The following MIR2052HG variants were observed in gnomAD, a reference collection of about 807,000 sequenced individuals.
MIR2052HG encodes the protein MIR2052 host gene.
At chr8:74,641,905 C>T (rs2128735338) in intron 2 of MIR2052HG, among the ~76,000 whole-genome samples, 1 of 152,112 alleles carries the variant, frequency 6.6e-6, no homozygotes, top group Admixed American at 6.5e-5. Flanking sequence ...TGTCTCAGCC[C>T]AGGGGAGGAA....
intron 2 of MIR2052HG, among the ~76,000 whole-genome samples, chr8:74,668,250 A>C (rs111620225): frequency 2.4e-4 from 36 of 152,166 alleles, no homozygotes; most frequent in African/African-American, 7.7e-4. Context: ...CAAAAAAAAA[A>C]CAATAAGCCT....
intron 2 of MIR2052HG, among the ~76,000 whole-genome samples, chr8:74,691,250 G>T (rs1809236891): frequency 6.6e-6 from 1 of 152,170 alleles, no homozygotes; most frequent in Non-Finnish European, 1.5e-5. Flanking sequence ...CTGGCTCTTT[G>T]CATCTTGGAT....
intron 2 of MIR2052HG, among the ~76,000 whole-genome samples, chr8:74,687,491 A>T (rs922634013): frequency 6.6e-6 from 1 of 152,172 alleles, no homozygotes; most frequent in African/African-American, 2.4e-5. Context: ...TGGTATATAC[A>T]TACAATGGAA....
At chr8:74,742,301 G>T (rs151090255) in intron 4 of MIR2052HG, among the ~76,000 whole-genome samples, 63 of 152,282 alleles carry the variant, frequency 4.1e-4, no homozygotes, top group African/African-American at 1.3e-3. Context: ...AATGTTCCAC[G>T]TAGATTGATG....
intron 2 of MIR2052HG, among the ~76,000 whole-genome samples, chr8:74,650,216 C>A (rs1808737435): frequency 6.6e-6 from 1 of 152,100 alleles, no homozygotes; most frequent in African/African-American, 2.4e-5. Context: ...ATTTCATCAC[C>A]CCTTTCAGTC....
chr8:74,666,005 CT>C (rs1257162467), intron 2 of MIR2052HG, among the ~76,000 whole-genome samples: 1 of 152,198 alleles, frequency 6.6e-6, no homozygotes, highest in Non-Finnish European at 1.5e-5. Context: ...CATTAAGCCT[CT>C]TTCCTTTATC....
At chr8:74,604,334 C>T (rs533109065) in intron 1 of MIR2052HG, 20 of 481,278 alleles carry the variant, frequency 4.2e-5, no homozygotes, top group African/African-American at 3.7e-4. Flanking sequence ...TGGCGCGAGG[C>T]GACTGAGGGG....
rs117364838 is a variant in MIR2052HG at position 74,644,182 on chromosome 8, A to G, written n.216+31242A>G. The stretch of plus-strand genomic sequence containing the variant: ...TTCCCCTCCATATGTCACATTGTGC[A>G]TTTTTAGGAAGAACAAAATATAGTC... On this transcript the variant is annotated intron_variant and non_coding_transcript_variant, in intron 2 of 6. Transcript: ENST00000523442. Among the ~76,000 whole-genome samples, 90 of 152,282 alleles carry G rather than the reference A, an allele frequency of 5.9e-4. 2 individuals carry two copies. In the East Asian group the frequency reaches 0.014, roughly 23 times the overall value.
intron 4 of MIR2052HG, among the ~76,000 whole-genome samples, chr8:74,720,165 A>G (rs987584115): frequency 6.6e-6 from 1 of 152,068 alleles, no homozygotes; most frequent in Non-Finnish European, 1.5e-5. Context: ...GCCCCTTCTT[A>G]CATTTTCTTA....
intron 2 of MIR2052HG, among the ~76,000 whole-genome samples, chr8:74,614,459 T>A (rs1258213437): frequency 3.3e-5 from 5 of 152,178 alleles, no homozygotes; most frequent in Non-Finnish European, 7.4e-5. Context: ...GCTTTTAAAT[T>A]CTCAACTTAT....
At chr8:74,681,691 T>G (rs1011740388) in intron 2 of MIR2052HG, among the ~76,000 whole-genome samples, 4 of 152,156 alleles carry the variant, frequency 2.6e-5, no homozygotes, top group African/African-American at 9.7e-5. Flanking sequence ...GGCCCCCGTT[T>G]GCTCTCTGTC....
intron 1 of MIR2052HG, chr8:74,612,744 A>G (rs998399837): frequency 6.0e-5 from 22 of 367,672 alleles, no homozygotes; most frequent in Non-Finnish European, 1.2e-4. Context: ...GTAAAAACAT[A>G]TTGCTTTTAA....
intron 2 of MIR2052HG, among the ~76,000 whole-genome samples, chr8:74,627,907 A>C (rs1020640580): frequency 3.3e-5 from 5 of 152,198 alleles, no homozygotes; most frequent in Non-Finnish European, 7.3e-5. Flanking sequence ...AGGGCCTTTA[A>C]GTTGAAATCT....
chr8:74,610,111 C>T (rs1244354262), intron 1 of MIR2052HG: 1 of 150,878 alleles, frequency 6.6e-6, no homozygotes, highest in Non-Finnish European at 1.5e-5. Context: ...TTGCAGACAA[C>T]ATAATCATCC....
chr8:74,648,143 A>T (rs1011936522), intron 2 of MIR2052HG, among the ~76,000 whole-genome samples: 1 of 152,194 alleles, frequency 6.6e-6, no homozygotes, highest in Non-Finnish European at 1.5e-5. Flanking sequence ...ATAGACAGAT[A>T]TGTGAGTAGG....
chr8:74,732,310 G>C (rs189178598), intron 4 of MIR2052HG, among the ~76,000 whole-genome samples: 1 of 152,096 alleles, frequency 6.6e-6, no homozygotes, highest in Non-Finnish European at 1.5e-5. Context: ...TTTATAGAAA[G>C]AATTTGAACA....
chr8:74,692,162 CT>C, intron 2 of MIR2052HG, among the ~76,000 whole-genome samples: 1 of 152,244 alleles, frequency 6.6e-6, no homozygotes, highest in Non-Finnish European at 1.5e-5. Flanking sequence ...GCAATCTCAG[CT>C]CAATGCAACC....
At chr8:74,703,916 A>G (rs868626391) in intron 4 of MIR2052HG, among the ~76,000 whole-genome samples, 1 of 152,052 alleles carries the variant, frequency 6.6e-6, no homozygotes, top group South Asian at 2.1e-4. Context: ...CCATATTACA[A>G]TAAGTGGAGA....
intron 2 of MIR2052HG, among the ~76,000 whole-genome samples, chr8:74,685,887 C>T (rs1809175468): frequency 6.6e-6 from 1 of 151,948 alleles, no homozygotes; most frequent in Non-Finnish European, 1.5e-5. Flanking sequence ...ACAGATGAGT[C>T]CTGCCAAATT....
Sources: gnomAD v4.1 joint callset for allele counts (sites outside exome capture counted in the v4.1 genomes callset) on GRCh38, gnomAD v4.1.1 for gene constraint, MANE v1.5 for transcripts, NCBI Gene and HGNC (gene_info 2026-07-23, HGNC 2026-07-21) for gene names.